The following PCSK9 variants were observed in gnomAD, a reference collection of about 807,000 sequenced individuals.
The protein encoded by PCSK9 is proprotein convertase subtilisin/kexin type 9, also known as convertase subtilisin/kexin type 9 preproprotein.
A neutral mutation model predicts 62.1 loss-of-function variants in PCSK9; 57 were observed. That is an observed-to-expected ratio of 0.92 (90% CI 0.74 to 1.14). PCSK9 has a LOEUF of 1.14. Ranked by LOEUF, PCSK9 falls within the 50% of genes most tolerant of loss-of-function variation. The pLI, the probability that PCSK9 is intolerant of heterozygous loss-of-function variation, is 0.00. For missense variants in PCSK9, 870 were observed against 959.8 expected, an observed-to-expected ratio of 0.91 and a Z score of 1.24; for synonymous variants, 387 against 409.4, an observed-to-expected ratio of 0.95 and a Z score of 0.66.
At chr1:55,062,768 TCAG>T (rs1489076259) in intron 11 of PCSK9, among the ~76,000 whole-genome samples, 1 of 152,146 alleles carries the variant, frequency 6.6e-6, no homozygotes, top group African/African-American at 2.4e-5. Context: ...AGGGTCACAG[TCAG>T]CAGTGAGCTG....
In PCSK9 at chr1:55,063,372, A is replaced by G. The variant is rs769112641; in HGVS notation, c.1867A>G (p.Thr623Ala). Residue 623 changes from threonine (T) to alanine (A), a missense_variant, in exon 12 of 12, where the codon ACC (threonine) becomes GCC (alanine). By Grantham distance (58) the Thr-to-Ala change is moderately conservative. Transcript: ENST00000302118. ...HGIPAPQEQV[T>A]VACEEGWTLT... ...TCTTTTCCTCGGGCTCTGGCAGGTG[A>G]CCGTGGCCTGCGAGGAGGGCTGGAC... 13 of 1,613,494 alleles carry G rather than the reference A, an allele frequency of 8.1e-6. No individual in the cohort carries two copies. Among genetic ancestry groups the G allele is most frequent in the Non-Finnish European group, 1.1e-5 (13 of 1,179,780 alleles).
At chr1:55,048,249 C>T (rs1644647989) in intron 3 of PCSK9, among the ~76,000 whole-genome samples, 1 of 152,206 alleles carries the variant, frequency 6.6e-6, no homozygotes, top group African/African-American at 2.4e-5. Flanking sequence ...CTCTCCTCTT[C>T]ATTGTCTCAT....
rs746121167 is a variant in PCSK9 at position 55,048,975 on chromosome 1, A to G, written c.523+2329A>G. Among the ~76,000 whole-genome samples the G allele has an allele frequency of 2.8e-4, 43 of 152,362 alleles. No homozygotes were observed. In the Middle Eastern group the frequency reaches 0.01, roughly 36 times the overall value. On this transcript the variant is annotated intron_variant, in intron 3 of 11. Transcript: ENST00000302118. ...GCACCATATTAGGTGCTGGGGATAC[A>G]AATGTGAATGAAATGAATGTGGTCT...
rs1644616885 is a variant in PCSK9 at position 55,044,034 on chromosome 1, G to A, written c.399G>A (p.Leu133=). The part of the protein sequence containing the change: ...LVKMSGDLLE[L]ALKLPHVDYI... ...AGATGAGTGGCGACCTGCTGGAGCT[G>A]GTGAGCCACCCTTTTTGGGAATGGC... Residue 133 remains leucine, a splice_region_variant and synonymous_variant, in exon 2 of 12, where the codon CTG becomes CTA. Coordinates refer to ENST00000302118, the MANE Select transcript of PCSK9 (RefSeq NM_174936.4). 6.2e-7 allele frequency: 1 copy of A among 1,614,028 alleles called. No homozygotes were observed. Among genetic ancestry groups the A allele is most frequent in the Admixed American group, 1.7e-5 (1 of 59,996 alleles).
intron 3 of PCSK9, chr1:55,050,906 GGTGGGCT>G: frequency 2.9e-6 from 1 of 343,272 alleles, no homozygotes; most frequent in East Asian, 8.4e-5. Context: ...TGGATTATGC[GGTGGGCT>G]GTAAGTCCTG....
At position 55,052,746 on chromosome 1, in the gene PCSK9, GT is replaced by G. The variant is rs779469742; in HGVS notation, c.755del (p.Val252GlyfsTer15). 2.2e-5 allele frequency: 36 copies of G among 1,613,080 alleles called. No individual in the cohort carries two copies. The highest frequency in any genetic ancestry group is 1.6e-4 in the Middle Eastern group (1 of 6,082). ...AKGASMRSLR[V>X]LNCQGKGTVS... ...GGGTGCCAGCATGCGCAGCCTGCGC[GT>G]GCTCAACTGCCAAGGGAAGGGCACG... On this transcript the variant is annotated frameshift_variant, in exon 5 of 12. Coordinates refer to ENST00000302118, the MANE Select transcript of PCSK9 (RefSeq NM_174936.4). LOFTEE classifies it high-confidence loss of function.
At position 55,063,535 on chromosome 1, in the gene PCSK9, T is replaced by C. The variant is rs1234048747; in HGVS notation, c.2030T>C (p.Ile677Thr). 9 of 1,613,362 alleles carry C rather than the reference T, an allele frequency of 5.6e-6. No individual in the cohort carries two copies. The highest frequency in any genetic ancestry group is 7.6e-6 in the Non-Finnish European group (9 of 1,179,764). ...TSEGAVTAVAICCRSRHLAQA... is the reference protein window; with the variant it reads ...TSEGAVTAVATCCRSRHLAQA... ...GAAGGGGCCGTGACAGCCGTTGCCA[T>C]CTGCTGCCGGAGCCGGCACCTGGCG... Residue 677 changes from isoleucine to threonine, a missense_variant, in exon 12 of 12, where the codon ATC (isoleucine) becomes ACC (threonine). Transcript: ENST00000302118.
At position 55,039,660 on chromosome 1, in the gene PCSK9, G is replaced by C. The variant is rs913697996; in HGVS notation, c.-178G>C. 2.7e-6 allele frequency: 2 copies of C among 730,572 alleles called. No individual in the cohort carries two copies. The highest frequency in any genetic ancestry group is 3.5e-5 in the African/African-American group (2 of 56,576). 45.3% of individuals were successfully genotyped at this position (730,572 alleles called of 1,614,324 possible). On this transcript the variant is annotated 5_prime_UTR_variant, in exon 1 of 12. Coordinates refer to ENST00000302118, the MANE Select transcript of PCSK9 (RefSeq NM_174936.4). The stretch of plus-strand genomic sequence containing the variant: ...TGGCTCGGGCGGGCCGGGACGCGTC[G>C]TTGCAGCAGCGGCTCCCAGCTCCCA...
At chr1:55,044,059 C>T (rs776033355) in intron 2 of PCSK9, 25 bp downstream of exon 2, 2 of 1,613,144 alleles carry the variant, frequency 1.2e-6, no homozygotes, top group South Asian at 2.2e-5. Flanking sequence ...TTGGGAATGG[C>T]ACTTCCTGAT....
intron 2 of PCSK9, 80 bp downstream of exon 2, chr1:55,044,114 C>A (rs940514569): frequency 2.0e-6 from 3 of 1,508,866 alleles, no homozygotes; most frequent in South Asian, 2.3e-5. Context: ...GCTTAGTAGG[C>A]CCATTGCTGA....
In PCSK9 at chr1:55,063,470, A is replaced by G. The variant is rs751357013; in HGVS notation, c.1965A>G (p.Val655=). The G allele has an allele frequency of 6.2e-7, 1 of 1,614,106 alleles. No individual in the cohort carries two copies. Among genetic ancestry groups the G allele is most frequent in the South Asian group, 1.1e-5 (1 of 91,082 alleles). The change falls in exon 12 of 12, where the codon GTA becomes GTG. Residue 655 remains valine, a synonymous_variant. Coordinates refer to ENST00000302118, the MANE Select transcript of PCSK9 (RefSeq NM_174936.4). The part of the protein sequence containing the change: ...LGAYAVDNTC[V]VRSRDVSTTG... Reference sequence around the variant, plus strand: ...CCTACGCCGTAGACAACACGTGTGTAGTCAGGAGCCGGGACGTCAGCACTA... The same window carrying G: ...CCTACGCCGTAGACAACACGTGTGTGGTCAGGAGCCGGGACGTCAGCACTA...
At chr1:55,048,882 A>G (rs1247239402) in intron 3 of PCSK9, among the ~76,000 whole-genome samples, 1 of 152,186 alleles carries the variant, frequency 6.6e-6, no homozygotes, top group Non-Finnish European at 1.5e-5. Context: ...AGGTGCTGTG[A>G]TTTTAGCCCT....
At chr1:55,061,682 G>C (rs2100338566) in intron 11 of PCSK9, 126 bp downstream of exon 11, 1 of 1,239,850 alleles carries the variant, frequency 8.1e-7, no homozygotes, top group Non-Finnish European at 1.2e-6. Flanking sequence ...GGTAGATGCT[G>C]TGGGCAGCTT....
Position 55,057,464 on chromosome 1 carries a change from C to A in PCSK9, c.1130C>A (p.Thr377Asn), listed in dbSNP as rs760947578. ...ATTGGTGCCTCCAGCGACTGCAGCA[C>A]CTGCTTTGTGTCACAGAGTGGGACA... is the stretch of plus-strand genomic sequence containing the variant. The part of the protein sequence containing the change: ...DIIGASSDCS[T>N]CFVSQSGTSQ... The change falls in exon 7 of 12, where the codon ACC becomes AAC. Residue 377 changes from threonine (T) to asparagine (N), a missense_variant. Physicochemically the swap from Thr to Asn is moderately conservative, Grantham distance 65. Transcript: ENST00000302118. The A allele has an allele frequency of 1.9e-6, 3 of 1,613,898 alleles. No individual in the cohort carries two copies. The highest frequency in any genetic ancestry group is 2.5e-6 in the Non-Finnish European group (3 of 1,180,032).
Position 55,063,438 on chromosome 1 carries a change from C to T in PCSK9, c.1933C>T (p.Leu645=). The change falls in exon 12 of 12, where the codon CTG becomes TTG. Residue 645 remains leucine (L), a synonymous_variant. Coordinates refer to ENST00000302118, the MANE Select transcript of PCSK9 (RefSeq NM_174936.4). ...TGCCCTCCCTGGGACCTCCCACGTC[C>T]TGGGGGCCTACGCCGTAGACAACAC... The part of the protein sequence containing the change: ...CSALPGTSHV[L]GAYAVDNTCV... 6.2e-7 allele frequency: 1 copy of T among 1,614,062 alleles called. No individual in the cohort carries two copies. The highest frequency in any genetic ancestry group is 1.3e-5 in the African/African-American group (1 of 75,058).
chr1:55,062,650 G>A (rs753086395), intron 11 of PCSK9, among the ~76,000 whole-genome samples: 2 of 152,212 alleles, frequency 1.3e-5, no homozygotes, highest in African/African-American at 2.4e-5. Context: ...GCAAAGCAAA[G>A]GCCCCCAGGT....
At position 55,052,677 on chromosome 1, in the gene PCSK9, C is replaced by T; in HGVS notation, c.685C>T (p.His229Tyr). The T allele has an allele frequency of 6.2e-7, 1 of 1,613,190 alleles. No individual in the cohort carries two copies. Among genetic ancestry groups the T allele is most frequent in the South Asian group, 1.1e-5 (1 of 91,040 alleles). Residue 229 changes from histidine to tyrosine, a missense_variant, in exon 5 of 12, where the codon CAC (histidine) becomes TAC (tyrosine). Transcript: ENST00000302118. ...QASKCDSHGT[H>Y]LAGVVSGRDA... Reference sequence around the variant, plus strand: ...CAGCAAGTGTGACAGTCATGGCACCCACCTGGCAGGGGTGGTCAGCGGCCG... The same window carrying T: ...CAGCAAGTGTGACAGTCATGGCACCTACCTGGCAGGGGTGGTCAGCGGCCG...
chr1:55,042,257 C>T (rs1038000350), intron 1 of PCSK9, among the ~76,000 whole-genome samples: 2 of 152,200 alleles, frequency 1.3e-5, no homozygotes, highest in African/African-American at 4.8e-5. Context: ...GCCACCACGC[C>T]TGGCCTCCAC....
At chr1:55,057,944 G>A (rs1644727746) in intron 7 of PCSK9, 92 bp from the exon 8 acceptor site, 1 of 1,519,994 alleles carries the variant, frequency 6.6e-7, no homozygotes, top group Non-Finnish European at 9.1e-7. Context: ...GTGTTTGTGT[G>A]TATGTGTGTG....
Sources: allele counts gnomAD v4.1 joint callset (sites outside exome capture counted in the v4.1 genomes callset), GRCh38; gene constraint gnomAD v4.1.1; transcripts MANE v1.5; gene names NCBI Gene and HGNC (gene_info 2026-07-23, HGNC 2026-07-21).